The following DPP10 variants were observed in gnomAD, a reference collection of about 807,000 sequenced individuals.
DPP10 encodes dipeptidyl peptidase like 10, also known as inactive dipeptidyl peptidase 10.
In DPP10, 33 loss-of-function variants were observed where a neutral mutation model predicts 120.9. The ratio of observed to expected loss-of-function variants is 0.27; its 90% CI spans 0.21 to 0.37. The LOEUF is 0.37. Among genes scored for constraint, DPP10 ranks in the 10% least tolerant of loss-of-function variants. The pLI is 1.00. For synonymous variants in DPP10, 337 were observed against 326.1 expected (o/e 1.03, Z -0.36); for missense variants, 816 against 942.8 (o/e 0.87, Z 1.76).
intron 1 of DPP10, among the ~76,000 whole-genome samples, chr2:115,277,569 G>C (rs1048594601): frequency 7.9e-5 from 11 of 138,800 alleles, no homozygotes; most frequent in South Asian, 2.4e-4. Context: ...GAGTGCTTCA[G>C]TTGTTACCTC....
intron 1 of DPP10, among the ~76,000 whole-genome samples, chr2:115,203,995 T>C (rs560114289): frequency 2.6e-5 from 4 of 152,276 alleles, no homozygotes; most frequent in Non-Finnish European, 5.9e-5. Context: ...AATACCTAAA[T>C]GACAAATTTC....
chr2:115,501,403 T>C (rs983103), intron 4 of DPP10, among the ~76,000 whole-genome samples: 147,453 of 152,194 alleles, frequency 0.97, 71,602 homozygotes, highest in East Asian at 1. Context: ...CTCATATCAT[T>C]GTGGTTTTCT....
At chr2:115,514,349 C>A (rs1229702056) in intron 4 of DPP10, among the ~76,000 whole-genome samples, 2 of 151,548 alleles carry the variant, frequency 1.3e-5, no homozygotes, top group Admixed American at 1.3e-4. Flanking sequence ...TTTTTTAAAA[C>A]TTGTTTCTAC....
chr2:115,373,885 AAGAGAG>A (rs3039945), intron 3 of DPP10, among the ~76,000 whole-genome samples: 5 of 146,772 alleles, frequency 3.4e-5, no homozygotes, highest in South Asian at 2.2e-4. Context: ...AGCCAAGCAG[AAGAGAG>A]AGAGAGAGAG....
intron 4 of DPP10, 74 bp from the exon 5 acceptor site, chr2:115,525,824 T>A: frequency 8.7e-7 from 1 of 1,148,666 alleles, no homozygotes. Context: ...AAAATTGATT[T>A]TTTTTTACAT....
At chr2:114,987,313 G>A (rs912930905) in intron 1 of DPP10, among the ~76,000 whole-genome samples, 14 of 152,006 alleles carry the variant, frequency 9.2e-5, no homozygotes, top group Admixed American at 7.2e-4. Flanking sequence ...CATGTATTGC[G>A]TTACCCAACC....
chr2:114,900,656 T>G (rs1349288395), intron 1 of DPP10, among the ~76,000 whole-genome samples: 1 of 152,212 alleles, frequency 6.6e-6, no homozygotes, highest in African/African-American at 2.4e-5. Flanking sequence ...CCCTTCATCC[T>G]CTTCATGTTT....
rs953932680 is a variant in DPP10 at position 115,303,758 on chromosome 2, T to C, written c.61-5481T>C. Among the ~76,000 whole-genome samples the C allele has an allele frequency of 2.0e-5, 3 of 152,104 alleles. No individual in the cohort carries two copies. The East Asian group carries it at 5.8e-4, about 29-fold the overall frequency. ...CTTATTTTAATTTGTATTCCCAGCT[T>C]CATCTTGTGTGGTATCCCAAACCTT... On this transcript the variant is annotated intron_variant, in intron 1 of 25. Transcript: ENST00000410059.
chr2:115,389,552 C>A (rs2067187402), intron 3 of DPP10, among the ~76,000 whole-genome samples: 1 of 152,072 alleles, frequency 6.6e-6, no homozygotes, highest in African/African-American at 2.4e-5. Context: ...ATGTAATGAA[C>A]TAAATAATAA....
intron 3 of DPP10, among the ~76,000 whole-genome samples, chr2:115,415,519 AG>A: frequency 6.6e-6 from 1 of 152,268 alleles, no homozygotes; most frequent in African/African-American, 2.4e-5. Flanking sequence ...GTTAATTAAA[AG>A]GTCCATTAAG....
At chr2:114,847,364 A>G (rs115425399) in intron 1 of DPP10, among the ~76,000 whole-genome samples, 298 of 152,170 alleles carry the variant, frequency 2.0e-3, no homozygotes, top group African/African-American at 7.0e-3. Context: ...GACTTTCCTG[A>G]GCACCTTTTA....
At chr2:114,999,177 A>G (rs926625606) in intron 1 of DPP10, among the ~76,000 whole-genome samples, 12 of 152,172 alleles carry the variant, frequency 7.9e-5, no homozygotes, top group Non-Finnish European at 1.5e-4. Flanking sequence ...TGGCACATAA[A>G]AGGAGCAAAG....
At chr2:115,253,352 C>G (rs1574175265) in intron 1 of DPP10, among the ~76,000 whole-genome samples, 1 of 152,232 alleles carries the variant, frequency 6.6e-6, no homozygotes, top group South Asian at 2.1e-4. Flanking sequence ...CACCCCGAAC[C>G]TACAATCTCA....
In DPP10 at chr2:114,632,512, T is replaced by TG. The variant is rs1352323563; in HGVS notation, c.60+189674_60+189675insG. 8.0e-3 allele frequency among the ~76,000 whole-genome samples: 1,069 copies of TG among 133,548 alleles called. 27 individuals carry two copies. Among genetic ancestry groups the TG allele is most frequent in the African/African-American group, 0.029 (1,028 of 35,134 alleles). The allele number at this position is 133,548 out of a possible 152,430, so 87.6% of individuals were successfully genotyped here. A position where few individuals can be genotyped will look rare whatever the true frequency, so the allele number is the denominator to read the frequency against. ...TAACTATGGACTTAGGGTTTTTTTT[T>TG]TTTTTTTTTTTTTTTTTGGAGAAGG... On this transcript the variant is annotated intron_variant, in intron 1 of 25. Coordinates refer to ENST00000410059, the MANE Select transcript of DPP10 (RefSeq NM_020868.6).
Position 115,085,830 on chromosome 2 carries a change from C to T in DPP10, c.61-223409C>T, listed in dbSNP as rs1708646636. Among the ~76,000 whole-genome samples, 3 of 152,200 alleles carry T rather than the reference C, an allele frequency of 2.0e-5. No homozygotes were observed. The South Asian group carries it at 6.2e-4, about 31-fold the overall frequency. On this transcript the variant is annotated intron_variant, in intron 1 of 25. Coordinates refer to ENST00000410059, the MANE Select transcript of DPP10 (RefSeq NM_020868.6). Reference sequence around the variant, plus strand: ...AAATAAATATATTGTACACACATCACATACATATGTGCCATCACCAACTCC... The same window carrying T: ...AAATAAATATATTGTACACACATCATATACATATGTGCCATCACCAACTCC...
At chr2:115,663,212 GTTC>G (rs2089152058) in intron 5 of DPP10, among the ~76,000 whole-genome samples, 1 of 151,762 alleles carries the variant, frequency 6.6e-6, no homozygotes, top group African/African-American at 2.4e-5. Flanking sequence ...ATTTCTTTTT[GTTC>G]TTCTCAGTAT....
At chr2:115,022,731 C>T (rs1014476372) in intron 1 of DPP10, among the ~76,000 whole-genome samples, 3 of 152,230 alleles carry the variant, frequency 2.0e-5, no homozygotes, top group East Asian at 1.9e-4. Context: ...GGAGGGATCA[C>T]ATTACCTGAC....
intron 1 of DPP10, among the ~76,000 whole-genome samples, chr2:115,284,331 A>G (rs1024989989): frequency 6.6e-6 from 1 of 152,010 alleles, no homozygotes; most frequent in Admixed American, 6.6e-5. Flanking sequence ...TTTCTGTTAA[A>G]CCAGTTCAAC....
intron 1 of DPP10, among the ~76,000 whole-genome samples, chr2:115,177,702 G>T (rs540461848): frequency 3.3e-5 from 5 of 152,154 alleles, no homozygotes; most frequent in Non-Finnish European, 7.3e-5. Context: ...TTATAAAAAT[G>T]TTAGCAGACA....
Sources: allele counts gnomAD v4.1 joint callset (sites outside exome capture counted in the v4.1 genomes callset), GRCh38; gene constraint gnomAD v4.1.1; transcripts MANE v1.5; gene names NCBI Gene and HGNC (gene_info 2026-07-23, HGNC 2026-07-21).